Variants in NFKBIB observed in about 807,000 individuals in gnomAD.
The protein encoded by NFKBIB is NFKB inhibitor beta, also known as NF-kappa-B inhibitor beta.
NFKBIB carries 16 observed loss-of-function variants against 32.1 expected under a neutral mutation model. The observed-to-expected ratio is 0.50, with a 90% CI of 0.34 to 0.76. The LOEUF is 0.76. Ranked by LOEUF, NFKBIB falls within the 30% of genes least tolerant of loss-of-function variation. NFKBIB has a pLI of 0.01. For synonymous variants in NFKBIB, 222 were observed against 219.5 expected (o/e 1.01, Z -0.10); for missense variants, 437 against 514.9 (o/e 0.85, Z 1.46).
chr19:38,907,617 C>A lies in NFKBIB; in HGVS notation c.927C>A (p.Gly309=). The A allele has an allele frequency of 6.2e-7, 1 of 1,611,132 alleles. No individual in the cohort carries two copies. The highest frequency in any genetic ancestry group is 8.5e-7 in the Non-Finnish European group (1 of 1,179,164). ...PEPEGEDEKS[G]PCSSSSDSDS... ...CCGAGGGCGAGGACGAGAAATCCGG[C>A]CCCTGCAGCAGCAGTAGCGACAGCG... The change falls in exon 5 of 6, where the codon GGC becomes GGA. Residue 309 remains glycine (G), a synonymous_variant. Transcript: ENST00000313582.
In NFKBIB at chr19:38,907,563, C is replaced by T; in HGVS notation, c.873C>T (p.Arg291=). 1 of 1,612,528 alleles carries T rather than the reference C, an allele frequency of 6.2e-7. No homozygotes were observed. Among genetic ancestry groups the T allele is most frequent in the Non-Finnish European group, 8.5e-7 (1 of 1,179,670 alleles). The change falls in exon 5 of 6, where the codon CGC becomes CGT. Residue 291 remains arginine, a synonymous_variant. Transcript: ENST00000313582. ...AMLRPNPILA[R]LLRAHGAPEP... ...TCCGGCCCAACCCCATCCTCGCCCG[C>T]CTCCTCCGTGCACACGGAGCCCCTG... is the stretch of plus-strand genomic sequence containing the variant.
At position 38,907,517 on chromosome 19, in the gene NFKBIB, C is replaced by G. The variant is rs1427180449; in HGVS notation, c.827C>G (p.Thr276Ser). Reference protein sequence around the residue: ...NPAARMYGGRTPLGSAMLRPN... With the variant: ...NPAARMYGGRSPLGSAMLRPN... ...GCTGCCCGCATGTACGGTGGCCGCA[C>G]CCCACTCGGCAGTGCCATGCTCCGG... The change falls in exon 5 of 6, where the codon ACC (threonine) becomes AGC (serine). Residue 276 changes from threonine to serine, a missense_variant. By Grantham distance (58) the Thr-to-Ser change is moderately conservative. Transcript: ENST00000313582. The G allele has an allele frequency of 6.2e-7, 1 of 1,612,514 alleles. No individual in the cohort carries two copies. Among genetic ancestry groups the G allele is most frequent in the African/African-American group, 1.3e-5 (1 of 74,940 alleles).
chr19:38,906,794 G>A (rs939680642), intron 3 of NFKBIB, among the ~76,000 whole-genome samples: 1 of 152,022 alleles, frequency 6.6e-6, no homozygotes, highest in Non-Finnish European at 1.5e-5. Flanking sequence ...TAGTAGAGAC[G>A]TCTTGCCATG....
rs368754017 is a variant in NFKBIB, at chr19:38,907,386, T to C, written c.709-13T>C. 1.3e-6 allele frequency: 2 copies of C among 1,589,446 alleles called. No individual in the cohort carries two copies. The highest frequency in any genetic ancestry group is 2.7e-5 in the African/African-American group (2 of 74,560). On this transcript the variant is annotated splice_polypyrimidine_tract_variant and intron_variant, in intron 4 of 5. Transcript: ENST00000313582. The stretch of plus-strand genomic sequence containing the variant: ...TCTTCGGGCCCTCTGACCTTTCTGT[T>C]GCACCCCCACAGGAGCCCACGTGCG...
intron 1 of NFKBIB, 36 bp downstream of exon 1, chr19:38,900,247 G>A: frequency 6.5e-7 from 1 of 1,546,458 alleles, no homozygotes; most frequent in Non-Finnish European, 8.7e-7. Flanking sequence ...GGAGCCCTAG[G>A]ACCCGGCGTC....
rs373893343 is a variant in NFKBIB at position 38,905,224 on chromosome 19, T to C, written c.308T>C (p.Ile103Thr). Reference protein sequence around the residue: ...LGQTALHLAAILGETSTVEKL... With the variant: ...LGQTALHLAATLGETSTVEKL... ...CAGACAGCCCTGCACCTGGCAGCCA[T>C]CCTGGGGGAGACATCCACGGTGGAG... The change falls in exon 3 of 6, where the codon ATC becomes ACC. Residue 103 changes from isoleucine to threonine, a missense_variant. Transcript: ENST00000313582. The surrounding 1 kb of genome is among the most constrained non-coding windows in gnomAD (Gnocchi z 5.5). 11 of 1,590,508 alleles carry C rather than the reference T, an allele frequency of 6.9e-6. No individual in the cohort carries two copies. In the South Asian group the frequency reaches 1.1e-4, roughly 17 times the overall value.
At chr19:38,908,103 G>A (rs985997610) in intron 5 of NFKBIB, 11 of 1,017,172 alleles carry the variant, frequency 1.1e-5, no homozygotes, top group African/African-American at 1.7e-5. Context: ...ATACAGATCC[G>A]TCCTTGGGCA....
In NFKBIB at chr19:38,905,950, A is replaced by G. The variant is rs1974104859; in HGVS notation, c.619+415A>G. ...GCAGGGTTCAGAGACAGCCCTCCTC[A>G]GCCTCATGGGAAGAAGGGCTCATCT... On this transcript the variant is annotated intron_variant, in intron 3 of 5. Transcript: ENST00000313582. The surrounding 1 kb of genome is among the most constrained non-coding windows in gnomAD (Gnocchi z 5.5). Among the ~76,000 whole-genome samples the G allele has an allele frequency of 6.6e-6, 1 of 152,004 alleles. No individual in the cohort carries two copies. The highest frequency in any genetic ancestry group is 1.5e-5 in the Non-Finnish European group (1 of 67,982).
At chr19:38,900,300 A>T in intron 1 of NFKBIB, 89 bp downstream of exon 1, 1 of 1,368,646 alleles carries the variant, frequency 7.3e-7, no homozygotes, top group Non-Finnish European at 9.6e-7. Context: ...TCCTAACCTC[A>T]TACTCCTAAA....
At chr19:38,902,085 C>CTT (rs74176475) in intron 1 of NFKBIB, among the ~76,000 whole-genome samples, 1 of 92,366 alleles carries the variant, frequency 1.1e-5, no homozygotes, top group Non-Finnish European at 2.0e-5. Flanking sequence ...CATTTTATTT[C>CTT]TTTTTTTTTT....
chr19:38,899,900 G>T (rs1973883088), upstream of NFKBIB: 2 of 942,366 alleles, frequency 2.1e-6, no homozygotes, highest in African/African-American at 3.3e-5. Context: ...GGGTGTGAGC[G>T]ATTCAGCATA....
chr19:38,900,467 T>A (rs1973913896), intron 1 of NFKBIB, among the ~76,000 whole-genome samples: 2 of 152,220 alleles, frequency 1.3e-5, no homozygotes, highest in African/African-American at 4.8e-5. Flanking sequence ...TTGTATCCAC[T>A]GATACCCAAA....
At chr19:38,908,027 A>C in intron 5 of NFKBIB, 1 of 1,104,182 alleles carries the variant, frequency 9.1e-7, no homozygotes. Context: ...AGTGATTTGA[A>C]CACCGGCAGT....
chr19:38,903,976 A>G (rs1974039339), intron 1 of NFKBIB, among the ~76,000 whole-genome samples: 1 of 152,114 alleles, frequency 6.6e-6, no homozygotes, highest in South Asian at 2.1e-4. Context: ...AGGCTGAGGC[A>G]GAAGAATCGC....
intron 1 of NFKBIB, among the ~76,000 whole-genome samples, chr19:38,903,076 C>A (rs1395916781): frequency 6.6e-5 from 10 of 151,506 alleles, no homozygotes; most frequent in African/African-American, 2.2e-4. Context: ...CTCAAAAAAA[C>A]AAAACAAACA....
At chr19:38,907,876 G>C in intron 5 of NFKBIB, 1 of 1,393,496 alleles carries the variant, frequency 7.2e-7, no homozygotes, top group Non-Finnish European at 9.3e-7. Flanking sequence ...CAGTGGCAAA[G>C]GTAGAACTCA....
intron 1 of NFKBIB, among the ~76,000 whole-genome samples, chr19:38,903,264 G>A (rs910739573): frequency 6.6e-6 from 1 of 151,922 alleles, no homozygotes; most frequent in Non-Finnish European, 1.5e-5. Context: ...ATTTCACATA[G>A]AGTAAAAGAA....
At chr19:38,903,009 C>T (rs2144727204) in intron 1 of NFKBIB, among the ~76,000 whole-genome samples, 1 of 152,032 alleles carries the variant, frequency 6.6e-6, no homozygotes, top group Admixed American at 6.6e-5. Context: ...GCGGAGGTTG[C>T]AGTGAGCTGA....
In NFKBIB at chr19:38,907,264, G is replaced by A. The variant is rs147785336; in HGVS notation, c.663G>A (p.Glu221=). The A allele has an allele frequency of 5.4e-3, 8,662 of 1,613,660 alleles. 35 individuals carry two copies. The highest frequency in any genetic ancestry group is 6.4e-3 in the Non-Finnish European group (7,597 of 1,179,726). ...LHVAVIHKDV[E]MVRLLRDAGA... is the part of the protein sequence containing the mutation. ...TGGCCGTTATCCACAAAGATGTGGA[G>A]ATGGTCCGGCTGCTCCGAGATGCTG... The change falls in exon 4 of 6, where the codon GAG becomes GAA. Residue 221 remains glutamate (E), a synonymous_variant. Transcript: ENST00000313582.
Sources: gnomAD v4.1 joint callset for allele counts (sites outside exome capture counted in the v4.1 genomes callset) on GRCh38, gnomAD v4.1.1 for gene constraint, Gnocchi (gnomAD v3.1) non-coding constraint, MANE v1.5 for transcripts, NCBI Gene and HGNC (gene_info 2026-07-23, HGNC 2026-07-21) for gene names.